The following ANO1 variants were observed in gnomAD, a reference collection of about 807,000 sequenced individuals.
ANO1 encodes anoctamin 1, also known as anoctamin-1.
Under a neutral mutation model 124.0 loss-of-function variants are expected in ANO1, and 59 were observed. That is an observed-to-expected ratio of 0.48 (90% CI 0.39 to 0.59). The LOEUF is 0.59. Ranked by LOEUF, ANO1 falls within the 20% of genes least tolerant of loss-of-function variation. The pLI is 0.00. For synonymous variants in ANO1, 529 were observed against 532.0 expected (o/e 0.99, Z 0.08); for missense variants, 1,059 against 1,328.0 (o/e 0.80, Z 3.15).
chr11:70,181,792 A>T (rs1165564503), intron 23 of ANO1, among the ~76,000 whole-genome samples: 2 of 152,034 alleles, frequency 1.3e-5, no homozygotes, highest in Admixed American at 6.6e-5. Context: ...AAAAAAAAAA[A>T]AGTAGTAGCA....
chr11:70,076,011 G>A (rs1238820804), upstream of ANO1, among the ~76,000 whole-genome samples: 1 of 152,258 alleles, frequency 6.6e-6, no homozygotes, highest in Non-Finnish European at 1.5e-5. Context: ...CCTGGAGGCA[G>A]AACTGGTCCT....
At chr11:70,111,817 G>T in intron 7 of ANO1, 55 bp downstream of exon 7, 3 of 1,573,508 alleles carry the variant, frequency 1.9e-6, no homozygotes, top group Admixed American at 1.7e-5. Context: ...CCCAAATCCC[G>T]CCGGGCCACA....
At chr11:69,966,499 G>C in the ANO1 span, among the ~76,000 whole-genome samples, 1 of 152,234 alleles carries the variant, frequency 6.6e-6, no homozygotes, top group Non-Finnish European at 1.5e-5. Context: ...AGCAGTGGAG[G>C]TGCTGCGTCG....
chr11:70,033,176 T>C (rs1591047292), intron 1 of ANO1, among the ~76,000 whole-genome samples: 1 of 152,232 alleles, frequency 6.6e-6, no homozygotes, highest in East Asian at 1.9e-4. Context: ...CGGTTTCACT[T>C]GATCTTCTCA....
chr11:70,109,684 C>T (rs2045692502), intron 6 of ANO1, among the ~76,000 whole-genome samples: 1 of 152,226 alleles, frequency 6.6e-6, no homozygotes, highest in African/African-American at 2.4e-5. Flanking sequence ...AGGGCCGGGT[C>T]TTGGACCTCG....
At chr11:70,167,446 C>G in intron 21 of ANO1, 59 bp downstream of exon 21, 1 of 1,554,948 alleles carries the variant, frequency 6.4e-7, no homozygotes, top group South Asian at 1.2e-5. Context: ...AGCATGCCAC[C>G]TGGAGTGGGG....
At chr11:69,980,881 G>A in the ANO1 span, among the ~76,000 whole-genome samples, 13 of 151,954 alleles carry the variant, frequency 8.6e-5, no homozygotes, top group African/African-American at 2.4e-4. Context: ...GTGAAACCCC[G>A]TCTCTACTAA....
chr11:69,985,060 T>C (rs1406956183), upstream of ANO1, among the ~76,000 whole-genome samples: 1 of 152,162 alleles, frequency 6.6e-6, no homozygotes, highest in Non-Finnish European at 1.5e-5. Context: ...CTGAGGATGC[T>C]GAATTGTCCA....
chr11:70,111,831 C>T (rs910650592), intron 7 of ANO1, 69 bp downstream of exon 7: 37 of 1,524,034 alleles, frequency 2.4e-5, no homozygotes, highest in Non-Finnish European at 3.2e-5. Flanking sequence ...GGCCACACCC[C>T]CCCGGGAGCT....
At chr11:70,008,557 G>A (rs556811704) in intron 1 of ANO1, among the ~76,000 whole-genome samples, 1 of 152,144 alleles carries the variant, frequency 6.6e-6, no homozygotes, top group Non-Finnish European at 1.5e-5. Context: ...ACCATGTCCA[G>A]GAGGGTTTAT....
chr11:70,022,443 A>G (rs1856825251), intron 1 of ANO1, among the ~76,000 whole-genome samples: 1 of 152,122 alleles, frequency 6.6e-6, no homozygotes, highest in Non-Finnish European at 1.5e-5. Flanking sequence ...TACCAAAAAT[A>G]CAAAAATTAG....
intron 1 of ANO1, among the ~76,000 whole-genome samples, chr11:70,023,662 T>C (rs782283395): frequency 1.5e-4 from 23 of 152,326 alleles, no homozygotes; most frequent in Middle Eastern, 3.4e-3. Flanking sequence ...AGGCTGCCCA[T>C]TGGGGAAGAT....
chr11:70,106,845 A>T (rs571402478), intron 5 of ANO1, among the ~76,000 whole-genome samples: 1 of 152,226 alleles, frequency 6.6e-6, no homozygotes, highest in Admixed American at 6.5e-5. Flanking sequence ...CCAGTGTGCA[A>T]GTGGATAGGA....
At chr11:70,094,049 A>G (rs1362360539) in intron 2 of ANO1, among the ~76,000 whole-genome samples, 2 of 152,228 alleles carry the variant, frequency 1.3e-5, no homozygotes, top group Non-Finnish European at 2.9e-5. Context: ...GGTGAGGGTC[A>G]AGAGAGTTAA....
chr11:70,157,923 T>G (rs2047881967), intron 16 of ANO1, among the ~76,000 whole-genome samples: 1 of 135,434 alleles, frequency 7.4e-6, no homozygotes, highest in Non-Finnish European at 1.5e-5. Flanking sequence ...GAGGCTGCAG[T>G]GAGCTGTGGT....
intron 1 of ANO1, among the ~76,000 whole-genome samples, chr11:70,019,220 A>T (rs113142512): frequency 8.3e-5 from 12 of 145,000 alleles, no homozygotes; most frequent in Middle Eastern, 3.6e-3. Context: ...CTTGGGATGC[A>T]GGGGAGGGAA....
the ANO1 span, among the ~76,000 whole-genome samples, chr11:69,972,643 G>A: frequency 3.9e-5 from 6 of 152,262 alleles, no homozygotes; most frequent in South Asian, 2.1e-4. Flanking sequence ...GTGTAAAGAC[G>A]CTGTATCAAC....
At chr11:70,081,970 G>A (rs1473900277) in intron 1 of ANO1, among the ~76,000 whole-genome samples, 2 of 152,212 alleles carry the variant, frequency 1.3e-5, no homozygotes, top group East Asian at 1.9e-4. Context: ...CAGTTATGCA[G>A]AAGGAAGTCT....
chr11:69,979,938 G>C, the ANO1 span, among the ~76,000 whole-genome samples: 6 of 152,254 alleles, frequency 3.9e-5, no homozygotes, highest in South Asian at 1.2e-3. Context: ...GCCGTGCCGT[G>C]GTTCAGGGCC....
Sources: allele counts gnomAD v4.1 joint callset (sites outside exome capture counted in the v4.1 genomes callset), GRCh38; gene constraint gnomAD v4.1.1; transcripts MANE v1.5; gene names NCBI Gene and HGNC (gene_info 2026-07-23, HGNC 2026-07-21).